LRMDA: variants seen among roughly 807,000 people sequenced by gnomAD.
The protein encoded by LRMDA is leucine rich melanocyte differentiation associated.
In LRMDA, 18 loss-of-function variants were observed where a neutral mutation model predicts 29.8. The observed-to-expected ratio is 0.60, with a 90% CI of 0.42 to 0.90. LRMDA has a LOEUF of 0.90. Ranked by LOEUF, LRMDA falls within the 40% of genes least tolerant of loss-of-function variation. The pLI is 0.00. For synonymous variants in LRMDA, 125 were observed against 109.4 expected, an observed-to-expected ratio of 1.14 and a Z score of -0.89; for missense variants, 273 against 273.9, an observed-to-expected ratio of 1.00 and a Z score of 0.02.
chr10:76,323,943 C>T (rs1840802910), intron 5 of LRMDA, among the ~76,000 whole-genome samples: 1 of 152,196 alleles, frequency 6.6e-6, no homozygotes, highest in Non-Finnish European at 1.5e-5. Flanking sequence ...TCTGCCAAGT[C>T]TTTCATGCCA....
At chr10:76,106,870 A>G (rs1451280278) in intron 5 of LRMDA, among the ~76,000 whole-genome samples, 1 of 152,188 alleles carries the variant, frequency 6.6e-6, no homozygotes, top group Non-Finnish European at 1.5e-5. Flanking sequence ...CAGTGGTGCT[A>G]GCAATAGCAG....
chr10:76,465,412 C>G (rs757356510), intron 6 of LRMDA, among the ~76,000 whole-genome samples: 1 of 152,158 alleles, frequency 6.6e-6, no homozygotes, highest in African/African-American at 2.4e-5. Context: ...GCCTTTGGAG[C>G]TATCACTACT....
chr10:76,290,341 C>T (rs1840323637), intron 5 of LRMDA, among the ~76,000 whole-genome samples: 1 of 150,438 alleles, frequency 6.6e-6, no homozygotes, highest in African/African-American at 2.4e-5. Flanking sequence ...TGCAGCAAGA[C>T]TGAATTATTT....
Position 76,515,208 on chromosome 10 carries a change from A to G in LRMDA, c.602-42001A>G, listed in dbSNP as rs927571821. On this transcript the variant is annotated intron_variant, in intron 6 of 6. Transcript: ENST00000611255. ...TTATGGGACTTAATCTAATCCTAAA[A>G]TGTGGGAGTATGTGGAAATGTTTGT... Among the ~76,000 whole-genome samples the G allele has an allele frequency of 2.6e-5, 4 of 152,276 alleles. No homozygotes were observed. In the East Asian group the frequency reaches 7.7e-4, roughly 29 times the overall value.
intron 2 of LRMDA, among the ~76,000 whole-genome samples, chr10:75,620,720 T>C (rs1242157978): frequency 6.6e-6 from 1 of 152,258 alleles, no homozygotes; most frequent in African/African-American, 2.4e-5. Context: ...AAGTGCCCCA[T>C]CTTAGTGACT....
At chr10:75,718,834 A>G (rs1041810652) in intron 2 of LRMDA, among the ~76,000 whole-genome samples, 15 of 152,224 alleles carry the variant, frequency 9.9e-5, no homozygotes, top group African/African-American at 3.6e-4. Context: ...CTTGGTTACT[A>G]TAGTCATATT....
intron 5 of LRMDA, among the ~76,000 whole-genome samples, chr10:76,065,846 C>A (rs1848776102): frequency 6.6e-6 from 1 of 152,216 alleles, no homozygotes; most frequent in African/African-American, 2.4e-5. Flanking sequence ...GTGGAAGTGA[C>A]AGCATGACAA....
rs1188178910 is a variant in LRMDA, at chr10:75,474,808, G to T, written c.131+36314G>T. 3.3e-5 allele frequency among the ~76,000 whole-genome samples: 5 copies of T among 152,324 alleles called. No homozygotes were observed. The East Asian group carries it at 9.6e-4, about 29-fold the overall frequency. Reference sequence around the variant, plus strand: ...TGTGTGCATGTGAGTGTGTGACACAGTACTTGATGAATTTGAGAAATGTGG... The same window carrying T: ...TGTGTGCATGTGAGTGTGTGACACATTACTTGATGAATTTGAGAAATGTGG... On this transcript the variant is annotated intron_variant, in intron 2 of 6. Coordinates refer to ENST00000611255, the MANE Select transcript of LRMDA (RefSeq NM_001305581.2).
intron 6 of LRMDA, among the ~76,000 whole-genome samples, chr10:76,351,504 A>G (rs572459952): frequency 1.3e-5 from 2 of 152,128 alleles, no homozygotes; most frequent in Non-Finnish European, 2.9e-5. Flanking sequence ...GCTTTTTTAC[A>G]TCCATCTCCA....
intron 6 of LRMDA, among the ~76,000 whole-genome samples, chr10:76,431,041 T>C (rs1842185211): frequency 6.6e-6 from 1 of 152,202 alleles, no homozygotes; most frequent in African/African-American, 2.4e-5. Context: ...ATGCTGACAT[T>C]GAAATTTTAC....
At chr10:75,910,885 T>G (rs1477302434) in intron 2 of LRMDA, among the ~76,000 whole-genome samples, 1 of 152,206 alleles carries the variant, frequency 6.6e-6, no homozygotes, top group Non-Finnish European at 1.5e-5. Context: ...TCTCTGTCTC[T>G]TGTTTGGTGC....
rs1489962895 is a variant in LRMDA, at chr10:75,761,799, TTTTTTTTTG to T, written c.132-274200_132-274192del. ...TGAGATTTTGGTATACTTTTGTTTT[TTTTTTTTTG>T]TTTTTTTTTTTTTGAGACAGGGTCT... On this transcript the variant is annotated intron_variant, in intron 2 of 6. Transcript: ENST00000611255. 1.5e-3 allele frequency among the ~76,000 whole-genome samples: 205 copies of T among 139,884 alleles called. 1 individual carries two copies. Among genetic ancestry groups the T allele is most frequent in the African/African-American group, 6.0e-3 (188 of 31,328 alleles). 91.8% of individuals were successfully genotyped at this position (139,884 alleles called of 152,430 possible). A position where few individuals can be genotyped will look rare whatever the true frequency, so the allele number is the denominator to read the frequency against.
chr10:76,284,817 G>T (rs1047200271), intron 5 of LRMDA, among the ~76,000 whole-genome samples: 4 of 152,054 alleles, frequency 2.6e-5, no homozygotes, highest in Non-Finnish European at 5.9e-5. Flanking sequence ...CATGAGATCT[G>T]CTGGTTTTAT....
intron 2 of LRMDA, among the ~76,000 whole-genome samples, chr10:75,861,003 G>C (rs1278301148): frequency 3.3e-5 from 5 of 152,180 alleles, no homozygotes; most frequent in African/African-American, 1.2e-4. Context: ...TTATAAGATA[G>C]CATTTTGTTA....
At chr10:76,315,030 C>G (rs1339802357) in intron 5 of LRMDA, among the ~76,000 whole-genome samples, 1 of 152,200 alleles carries the variant, frequency 6.6e-6, no homozygotes, top group African/African-American at 2.4e-5. Context: ...CACCTTTGAA[C>G]ATCAAGTTCA....
chr10:75,449,079 G>C (rs1844428120), intron 2 of LRMDA, among the ~76,000 whole-genome samples: 1 of 150,936 alleles, frequency 6.6e-6, no homozygotes, highest in African/African-American at 2.4e-5. Context: ...TTGAACCCAG[G>C]AGGCGGAAGT....
chr10:76,173,009 A>G (rs1850866120), intron 5 of LRMDA, among the ~76,000 whole-genome samples: 1 of 152,178 alleles, frequency 6.6e-6, no homozygotes, highest in East Asian at 1.9e-4. Flanking sequence ...TTATAACTCT[A>G]TCCTGTATGC....
At chr10:76,261,146 A>ACTC (rs1266385216) in intron 5 of LRMDA, among the ~76,000 whole-genome samples, 4 of 144,614 alleles carry the variant, frequency 2.8e-5, no homozygotes, top group Non-Finnish European at 6.0e-5. Flanking sequence ...CTAACTGCAA[A>ACTC]CTCCACCTCC....
rs1233854397 is a variant in LRMDA at position 75,670,828 on chromosome 10, G to A, written c.131+232334G>A. ...GTGGCTGGGCCTTCTGAGGGGTGGA[G>A]TGCCCGCTCCCTTACCTCAGGGGAC... On this transcript the variant is annotated intron_variant, in intron 2 of 6. Coordinates refer to ENST00000611255, the MANE Select transcript of LRMDA (RefSeq NM_001305581.2). Among the ~76,000 whole-genome samples, 6 of 152,262 alleles carry A rather than the reference G, an allele frequency of 3.9e-5. No individual in the cohort carries two copies. The East Asian group carries it at 9.7e-4, about 25-fold the overall frequency.
Sources: allele counts gnomAD v4.1 joint callset (sites outside exome capture counted in the v4.1 genomes callset), GRCh38; gene constraint gnomAD v4.1.1; transcripts MANE v1.5; gene names NCBI Gene and HGNC (gene_info 2026-07-23, HGNC 2026-07-21).